The following FSTL3 variants were observed in gnomAD, a reference collection of about 807,000 sequenced individuals.
FSTL3 encodes the protein follistatin like 3.
A neutral mutation model predicts 28.1 loss-of-function variants in FSTL3; 21 were observed. The ratio of observed to expected loss-of-function variants is 0.75; its 90% CI spans 0.53 to 1.08. The LOEUF (loss-of-function observed/expected upper bound fraction) is 1.08. FSTL3 is among the 50% of genes least tolerant of loss of function. The probability of loss-of-function intolerance (pLI) is 0.00; values close to 1 mark genes in which losing one functional copy is unlikely to be tolerated. For synonymous variants in FSTL3, 199 were observed against 164.2 expected, an observed-to-expected ratio of 1.21 and a Z score of -1.62; for missense variants, 400 against 380.9, an observed-to-expected ratio of 1.05 and a Z score of -0.42.
rs755347302 is a variant in FSTL3, at chr19:682,599, C to T, written c.*891C>T. On this transcript the variant is annotated 3_prime_UTR_variant, in exon 5 of 5. Coordinates refer to ENST00000166139, the MANE Select transcript of FSTL3 (RefSeq NM_005860.3). ...TCCTGTGAAGGCCATTGAGAAATGCCCAGTGTGCCCCCTGGGAAAGGGCAC... is the reference window on the plus strand; with the variant it reads ...TCCTGTGAAGGCCATTGAGAAATGCTCAGTGTGCCCCCTGGGAAAGGGCAC... The T allele has an allele frequency of 4.3e-6, 1 of 233,532 alleles. No individual in the cohort carries two copies. The highest frequency in any genetic ancestry group is 8.5e-6 in the Non-Finnish European group (1 of 118,150). The allele number at this position is 233,532 out of a possible 1,614,324, so 14.5% of individuals were successfully genotyped here.
intron 2 of FSTL3, 115 bp downstream of exon 2, chr19:678,092 G>C: frequency 1.0e-6 from 1 of 964,508 alleles, no homozygotes. Flanking sequence ...GGGTATGTAG[G>C]AGGCTGCAGG....
intron 3 of FSTL3, chr19:680,694 GAGGGGCGGGGCCGCTGCCGCAGTGCGT>G (rs1261711546): frequency 3.7e-6 from 1 of 271,330 alleles, no homozygotes; most frequent in African/African-American, 2.3e-5. Context: ...GGGCCTGCTG[GAGGGGCGGGGCCGCTGCCGCAGTGCGT>G]AGGGGCGGGG....
chr19:677,862 G>C lies in FSTL3; in HGVS notation c.174G>C (p.Arg58=). ...CSLVLQTDVT[R]AECCASGNID... ...TGGTGCTCCAGACTGATGTCACCCG[G>C]GCCGAGTGCTGTGCCTCCGGCAACA... Residue 58 remains arginine (R), a synonymous_variant, in exon 2 of 5, where the codon CGG becomes CGC. Transcript: ENST00000166139. The C allele has an allele frequency of 6.2e-7, 1 of 1,613,192 alleles. No homozygotes were observed.
chr19:681,601 C>T (rs1184941955), intron 4 of FSTL3, 41 bp downstream of exon 4: 20 of 1,594,150 alleles, frequency 1.3e-5, no homozygotes, highest in Admixed American at 1.7e-5. Context: ...TCCTGGGGGC[C>T]GGAGAACCCC....
rs113592111 is a variant in FSTL3, at chr19:681,321, C to T, written c.506-12C>T. The stretch of plus-strand genomic sequence containing the variant: ...GATGTCCCCTGAACTTCCCCTGGCA[C>T]CCGGCCTGCAGAGTCCTGTGAGCAC... On this transcript the variant is annotated splice_polypyrimidine_tract_variant and intron_variant, in intron 3 of 4. Coordinates refer to ENST00000166139, the MANE Select transcript of FSTL3 (RefSeq NM_005860.3). 2.0e-5 allele frequency: 31 copies of T among 1,533,662 alleles called. No homozygotes were observed. Among genetic ancestry groups the T allele is most frequent in the African/African-American group, 1.5e-4 (11 of 73,268 alleles).
chr19:676,509 C>T lies in FSTL3; in HGVS notation c.86C>T (p.Ser29Leu), dbSNP rs1192417954. The change falls in exon 1 of 5, where the codon TCG becomes TTG. Residue 29 changes from serine to leucine, a missense_variant. Ser to Leu is a moderately radical substitution (Grantham distance 145). Coordinates refer to ENST00000166139, the MANE Select transcript of FSTL3 (RefSeq NM_005860.3). Reference sequence around the variant, plus strand: ...GTGGGCTTCGTGAGCTCCATGGGCTCGGGGAACCCCGCGCCCGGTGAGTGG... The same window carrying T: ...GTGGGCTTCGTGAGCTCCATGGGCTTGGGGAACCCCGCGCCCGGTGAGTGG... Reference protein sequence around the residue: ...WAVGFVSSMGSGNPAPGGVCW... With the variant: ...WAVGFVSSMGLGNPAPGGVCW... 9.4e-7 allele frequency: 1 copy of T among 1,065,752 alleles called. No individual in the cohort carries two copies. The highest frequency in any genetic ancestry group is 1.1e-6 in the Non-Finnish European group (1 of 873,364). The allele number at this position is 1,065,752 out of a possible 1,614,324, so 66.0% of individuals were successfully genotyped here. A position where few individuals can be genotyped will look rare whatever the true frequency, so the allele number is the denominator to read the frequency against.
In FSTL3 at chr19:681,879, G is replaced by A. The variant is rs1367233050; in HGVS notation, c.*171G>A. 1.1e-5 allele frequency: 7 copies of A among 659,726 alleles called. No individual in the cohort carries two copies. In the East Asian group the frequency reaches 1.9e-4, roughly 18 times the overall value. The allele number at this position is 659,726 out of a possible 1,614,324, so 40.9% of individuals were successfully genotyped here. A position where few individuals can be genotyped will look rare whatever the true frequency, so the allele number is the denominator to read the frequency against. On this transcript the variant is annotated 3_prime_UTR_variant, in exon 5 of 5. Coordinates refer to ENST00000166139, the MANE Select transcript of FSTL3 (RefSeq NM_005860.3). The stretch of plus-strand genomic sequence containing the variant: ...GATATCCTGGAAGGACTGAGGAAGG[G>A]AGGCCTGGGGGCCGGCTGGTGGGTG...
rs375939246 is a variant in FSTL3, at chr19:677,797, G to A, written c.109G>A (p.Val37Ile). ...MGSGNPAPGG[V>I]CWLQQGQEAT... ...CCCCGTTCCCCGGCCCGCAGGTGGT[G>A]TTTGCTGGCTCCAGCAGGGCCAGGA... The change falls in exon 2 of 5, where the codon GTT becomes ATT. Residue 37 changes from valine (V) to isoleucine (I), a missense_variant. By Grantham distance (29) the Val-to-Ile change is conservative. Coordinates refer to ENST00000166139, the MANE Select transcript of FSTL3 (RefSeq NM_005860.3). 144 of 1,608,672 alleles carry A rather than the reference G, an allele frequency of 9.0e-5. No individual in the cohort carries two copies. The highest frequency in any genetic ancestry group is 6.6e-4 in the Middle Eastern group (4 of 6,074).
intron 1 of FSTL3, 129 bp from the exon 2 acceptor site, chr19:677,663 C>T: frequency 1.1e-6 from 1 of 923,026 alleles, no homozygotes; most frequent in Non-Finnish European, 1.6e-6. Context: ...GTTTTCTGCC[C>T]CTTCTTCCTG....
In FSTL3 at chr19:681,525, G is replaced by A; in HGVS notation, c.698G>A (p.Arg233His). Residue 233 changes from arginine to histidine, a missense_variant, in exon 4 of 5, where the codon CGC becomes CAC. By Grantham distance (29) the Arg-to-His change is conservative (BLOSUM62 0). Transcript: ENST00000166139. Reference protein sequence around the residue: ...HMRQATCFLGRSIGVRHAGSC... With the variant: ...HMRQATCFLGHSIGVRHAGSC... ...CGCCAGGCCACCTGCTTCCTGGGCC[G>A]CTCCATCGGCGTGCGCCACGCGGGC... 6.2e-7 allele frequency: 1 copy of A among 1,607,190 alleles called. No homozygotes were observed. The highest frequency in any genetic ancestry group is 1.7e-4 in the Middle Eastern group (1 of 6,058).
Position 680,257 on chromosome 19 carries a change from G to C in FSTL3, c.290-17G>C. 7.5e-7 allele frequency: 1 copy of C among 1,335,516 alleles called. No individual in the cohort carries two copies. Among genetic ancestry groups the C allele is most frequent in the Non-Finnish European group, 9.6e-7 (1 of 1,041,958 alleles). 82.7% of individuals were successfully genotyped at this position (1,335,516 alleles called of 1,614,324 possible). A position where few individuals can be genotyped will look rare whatever the true frequency, so the allele number is the denominator to read the frequency against. ...CCCTCCCGCGCCCGGCCCCACGCGC[G>C]TGTCCTCTGTCCGCAGATTCGTGCG... On this transcript the variant is annotated splice_polypyrimidine_tract_variant and intron_variant, in intron 2 of 4. Transcript: ENST00000166139.
intron 2 of FSTL3, among the ~76,000 whole-genome samples, chr19:679,504 C>T (rs1001339503): frequency 3.5e-4 from 53 of 152,252 alleles, no homozygotes; most frequent in African/African-American, 1.3e-3. Context: ...CATCTGGGTC[C>T]TGGCTGCAGC....
chr19:677,919 G>C lies in FSTL3; in HGVS notation c.231G>C (p.Pro77=). ...IDTAWSNLTH[P]GNKINLLGFL... is the part of the protein sequence containing the mutation. ...CCGCCTGGTCCAACCTCACCCACCC[G>C]GGGAACAAGATCAACCTCCTCGGCT... The change falls in exon 2 of 5, where the codon CCG becomes CCC. Residue 77 remains proline, a synonymous_variant. Transcript: ENST00000166139. 1 of 1,613,628 alleles carries C rather than the reference G, an allele frequency of 6.2e-7. No homozygotes were observed. The highest frequency in any genetic ancestry group is 8.5e-7 in the Non-Finnish European group (1 of 1,179,996).
intron 3 of FSTL3, chr19:680,959 G>A (rs886454619): frequency 9.6e-6 from 3 of 312,932 alleles, no homozygotes; most frequent in Non-Finnish European, 1.8e-5. Flanking sequence ...TGGAACCAGG[G>A]GGGTGAGACT....
At chr19:678,002 G>A in intron 2 of FSTL3, 25 bp downstream of exon 2, 1 of 1,604,800 alleles carries the variant, frequency 6.2e-7, no homozygotes, top group Non-Finnish European at 8.5e-7. Context: ...CAGAAGCAGG[G>A]CAGACGTCTC....
intron 2 of FSTL3, among the ~76,000 whole-genome samples, chr19:679,862 G>T (rs2031287713): frequency 2.0e-5 from 3 of 152,192 alleles, no homozygotes; most frequent in South Asian, 2.1e-4. Flanking sequence ...TGGCAAGGGC[G>T]GAACACCCCA....
intron 1 of FSTL3, among the ~76,000 whole-genome samples, chr19:677,037 C>T (rs1406040911): frequency 6.6e-6 from 1 of 152,162 alleles, no homozygotes; most frequent in Non-Finnish European, 1.5e-5. Context: ...GACGGCCCCA[C>T]TCCTGGCCTC....
chr19:678,006 A>G (rs1223959725), intron 2 of FSTL3, 29 bp downstream of exon 2: 1 of 1,600,832 alleles, frequency 6.2e-7, no homozygotes. Context: ...AGCAGGGCAG[A>G]CGTCTCAGCT....
Position 682,278 on chromosome 19 carries a change from G to A in FSTL3, c.*570G>A. On this transcript the variant is annotated 3_prime_UTR_variant, in exon 5 of 5. Coordinates refer to ENST00000166139, the MANE Select transcript of FSTL3 (RefSeq NM_005860.3). ...TGGAGGATCTAGCCTGGGTGAGTAT[G>A]GAGGGTCTAGCCTGGGTGAGTATGG... The A allele has an allele frequency of 3.7e-6, 1 of 267,032 alleles. No homozygotes were observed. Among genetic ancestry groups the A allele is most frequent in the Non-Finnish European group, 7.2e-6 (1 of 138,352 alleles). The allele number at this position is 267,032 out of a possible 1,614,324, so 16.5% of individuals were successfully genotyped here. A position where few individuals can be genotyped will look rare whatever the true frequency, so the allele number is the denominator to read the frequency against.
Sources: gnomAD v4.1 joint callset for allele counts (sites outside exome capture counted in the v4.1 genomes callset) on GRCh38, gnomAD v4.1.1 for gene constraint, MANE v1.5 for transcripts, NCBI Gene and HGNC (gene_info 2026-07-23, HGNC 2026-07-21) for gene names.